UTP20: variants seen among roughly 807,000 people sequenced by gnomAD.
UTP20 encodes small subunit processome component 20 homolog.
A neutral mutation model predicts 329.5 loss-of-function variants in UTP20; 164 were observed. The observed-to-expected ratio is 0.50, with a 90% confidence interval of 0.44 to 0.57. The LOEUF is 0.57. UTP20 is among the 20% of genes least tolerant of loss of function. The pLI is 0.00. For missense variants in UTP20, 3,055 were observed against 3,284.2 expected, an observed-to-expected ratio of 0.93 and a Z score of 1.71; for synonymous variants, 1,151 against 1,159.3, an observed-to-expected ratio of 0.99 and a Z score of 0.14.
chr12:101,385,052 G>C (rs1030496306), intron 60 of UTP20, among the ~76,000 whole-genome samples: 4 of 149,488 alleles, frequency 2.7e-5, no homozygotes, highest in African/African-American at 9.9e-5. Flanking sequence ...GGGAGAAATG[G>C]CTTTTTTGTC....
rs1296311683 is a variant in UTP20 at position 101,286,511 on chromosome 12, T to C, written c.515+2T>C. On this transcript the variant is annotated splice_donor_variant, in intron 5 of 61. Transcript: ENST00000261637. LOFTEE classifies it high-confidence loss of function. Reference sequence around the variant, plus strand: ...GAAGGACATGTCCAGTATATACAGGTAACCCCTTTCTCTCTCTAGTATGTT... The same window carrying C: ...GAAGGACATGTCCAGTATATACAGGCAACCCCTTTCTCTCTCTAGTATGTT... The C allele has an allele frequency of 6.4e-7, 1 of 1,565,610 alleles. No homozygotes were observed. The highest frequency in any genetic ancestry group is 1.2e-5 in the South Asian group (1 of 82,060).
intron 27 of UTP20, among the ~76,000 whole-genome samples, chr12:101,331,127 G>C (rs1056413916): frequency 8.5e-5 from 13 of 152,150 alleles, no homozygotes; most frequent in Non-Finnish European, 1.3e-4. Context: ...CATATTGACT[G>C]TTCCTCTAGG....
At chr12:101,371,558 G>A (rs1870291647) in intron 51 of UTP20, among the ~76,000 whole-genome samples, 1 of 119,560 alleles carries the variant, frequency 8.4e-6, no homozygotes, top group South Asian at 2.8e-4. Flanking sequence ...TTGAGACGGA[G>A]TCTCACTCTG....
chr12:101,350,037 A>G (rs1055616189), intron 38 of UTP20, among the ~76,000 whole-genome samples: 2 of 152,036 alleles, frequency 1.3e-5, no homozygotes, highest in Non-Finnish European at 2.9e-5. Flanking sequence ...TAGAAGTTCA[A>G]TTTCATCTTT....
Position 101,340,611 on chromosome 12 carries a change from G to T in UTP20, c.4101+1G>T. On this transcript the variant is annotated splice_donor_variant, in intron 32 of 61. Transcript: ENST00000261637. LOFTEE classifies it high-confidence loss of function. ...CCTCCACCGTGGCAATATTGCTGAG[G>T]TACAAACTCATAGGACACTTAACTT... 1 of 1,598,748 alleles carries T rather than the reference G, an allele frequency of 6.3e-7. No individual in the cohort carries two copies. Among genetic ancestry groups the T allele is most frequent in the Non-Finnish European group, 8.6e-7 (1 of 1,167,340 alleles).
At chr12:101,309,935 A>T (rs989150361) in intron 19 of UTP20, 96 bp downstream of exon 19, 29 of 1,028,764 alleles carry the variant, frequency 2.8e-5, no homozygotes, top group Admixed American at 3.9e-5. Flanking sequence ...ATTTAAATGA[A>T]TGGGTGTATA....
intron 27 of UTP20, 35 bp downstream of exon 27, chr12:101,329,484 C>T (rs1475990991): frequency 3.2e-6 from 5 of 1,572,014 alleles, no homozygotes; most frequent in Non-Finnish European, 3.5e-6. Context: ...AAGTCAAGTG[C>T]TTGAACTGAT....
chr12:101,321,853 T>C (rs1424650341), intron 25 of UTP20, among the ~76,000 whole-genome samples: 1 of 147,124 alleles, frequency 6.8e-6, no homozygotes, highest in African/African-American at 2.5e-5. Flanking sequence ...CAAGTGATGC[T>C]CCCACCTTGG....
chr12:101,373,251 G>A (rs1870351186), intron 52 of UTP20, 150 bp from the exon 53 acceptor site: 1 of 738,478 alleles, frequency 1.4e-6, no homozygotes, highest in Non-Finnish European at 2.2e-6. Context: ...TAGCTTAATG[G>A]ATACATACAA....
rs1465059609 is a variant in UTP20, at chr12:101,312,096, A to T, written c.2372A>T (p.Gln791Leu). ...TCCGTTGGAGATGAAAGTTGGGAGC[A>T]GACCCAGGAAGGAGATGTTGGAGCT... is the stretch of plus-strand genomic sequence containing the variant. Reference protein sequence around the residue: ...EKSVGDESWEQTQEGDVGALY... With the variant: ...EKSVGDESWELTQEGDVGALY... The change falls in exon 21 of 62, where the codon CAG becomes CTG. Residue 791 changes from glutamine to leucine, a missense_variant. Gln to Leu is a moderately radical substitution (Grantham distance 113). This residue lies in a region of UTP20 where 2,445 missense variants were observed against 2,575.5 expected (regional missense o/e 0.95). Coordinates refer to ENST00000261637, the MANE Select transcript of UTP20 (RefSeq NM_014503.3). The T allele has an allele frequency of 1.2e-6, 2 of 1,614,146 alleles. No individual in the cohort carries two copies. The highest frequency in any genetic ancestry group is 1.7e-6 in the Non-Finnish European group (2 of 1,180,058).
At chr12:101,384,669 A>G (rs907532258) in intron 60 of UTP20, among the ~76,000 whole-genome samples, 1 of 152,202 alleles carries the variant, frequency 6.6e-6, no homozygotes, top group African/African-American at 2.4e-5. Context: ...AATTGTTGGT[A>G]ATAACAGGTA....
At chr12:101,351,578 G>A (rs1436602884) in intron 38 of UTP20, among the ~76,000 whole-genome samples, 2 of 133,824 alleles carry the variant, frequency 1.5e-5, no homozygotes, top group Admixed American at 1.7e-4. Context: ...TGTGCAGGAT[G>A]TGCAGGTTTG....
intron 17 of UTP20, among the ~76,000 whole-genome samples, chr12:101,307,795 A>G (rs1872680440): frequency 6.6e-6 from 1 of 152,214 alleles, no homozygotes; most frequent in African/African-American, 2.4e-5. Context: ...AGGATTTCAA[A>G]CAATACTGCA....
chr12:101,333,530 G>T, intron 28 of UTP20, 86 bp downstream of exon 28: 1 of 1,497,764 alleles, frequency 6.7e-7, no homozygotes, highest in Non-Finnish European at 9.0e-7. Context: ...ACCCAGACAT[G>T]AATGCTTACC....
At chr12:101,328,806 T>C (rs943508319) in intron 26 of UTP20, among the ~76,000 whole-genome samples, 1 of 151,018 alleles carries the variant, frequency 6.6e-6, no homozygotes, top group Non-Finnish European at 1.5e-5. Context: ...GAGGCAGAGA[T>C]TGCAGTGAGC....
chr12:101,357,578 T>C (rs1869765074), intron 43 of UTP20, among the ~76,000 whole-genome samples: 1 of 152,072 alleles, frequency 6.6e-6, no homozygotes, highest in African/African-American at 2.4e-5. Flanking sequence ...TAGTGAGACC[T>C]TTTCCCTACA....
intron 37 of UTP20, 49 bp downstream of exon 37, chr12:101,345,743 T>C: frequency 1.3e-6 from 2 of 1,527,952 alleles, no homozygotes; most frequent in Non-Finnish European, 1.8e-6. Context: ...GCATACATAT[T>C]TCAAACAGTT....
intron 45 of UTP20, among the ~76,000 whole-genome samples, chr12:101,364,891 T>A (rs909894919): frequency 2.0e-5 from 3 of 152,180 alleles, no homozygotes; most frequent in Admixed American, 1.3e-4. Context: ...TATTGAGAGT[T>A]AATACCATGT....
In UTP20 at chr12:101,329,340, T is replaced by C. The variant is rs1159950495; in HGVS notation, c.3308T>C (p.Ile1103Thr). The C allele has an allele frequency of 2.5e-6, 4 of 1,614,034 alleles. No individual in the cohort carries two copies. The African/African-American group carries it at 4.0e-5, about 16-fold the overall frequency. Residue 1103 changes from isoleucine (I) to threonine (T), a missense_variant, in exon 27 of 62, where the codon ATA (isoleucine) becomes ACA (threonine). Coordinates refer to ENST00000261637, the MANE Select transcript of UTP20 (RefSeq NM_014503.3). The stretch of plus-strand genomic sequence containing the variant: ...CACGGTATCTTAAACAGCCTTGAGA[T>C]AGTATTGAAAAACATTAGTCATCTG... Reference protein sequence around the residue: ...RQHGILNSLEIVLKNISHLIS... With the variant: ...RQHGILNSLETVLKNISHLIS...
Sources: allele counts gnomAD v4.1 joint callset (sites outside exome capture counted in the v4.1 genomes callset), GRCh38; gene constraint gnomAD v4.1.1; regional missense constraint gnomAD v4.1.1; transcripts MANE v1.5; gene names NCBI Gene and HGNC (gene_info 2026-07-23, HGNC 2026-07-21).